Variants in IL1RAPL1 observed in about 807,000 individuals in gnomAD.
The protein encoded by IL1RAPL1 is interleukin-1 receptor accessory protein-like 1.
Under a neutral mutation model 48.4 loss-of-function variants are expected in IL1RAPL1, and 3 were observed. The ratio of observed to expected loss-of-function variants is 0.06; its 90% CI spans 0.03 to 0.16. The LOEUF (loss-of-function observed/expected upper bound fraction) is 0.16. Ranked by LOEUF, IL1RAPL1 falls within the 10% of genes least tolerant of loss-of-function variation. IL1RAPL1 has a pLI of 1.00. For missense variants in IL1RAPL1, 349 were observed against 530.6 expected (o/e 0.66, Z 3.36); for synonymous variants, 185 against 187.7 (o/e 0.99, Z 0.12).
chrX:29,605,760 A>G (rs1363106647), intron 5 of IL1RAPL1, among the ~76,000 whole-genome samples: 1 of 112,377 alleles, frequency 8.9e-6, no homozygotes, highest in Non-Finnish European at 1.9e-5. Flanking sequence ...TATTTTACAA[A>G]GACTTTCATC....
chrX:28,827,142 G>A (rs773915710), intron 2 of IL1RAPL1, among the ~76,000 whole-genome samples: 41 of 110,743 alleles, frequency 3.7e-4, no homozygotes, highest in African/African-American at 1.0e-3. Flanking sequence ...TTTTTTTGAT[G>A]TGCCATATTT....
Position 29,724,314 on chromosome X carries a change from A to G in IL1RAPL1, c.778+55810A>G, listed in dbSNP as rs965953259. Among the ~76,000 whole-genome samples the G allele has an allele frequency of 3.6e-5, 4 of 111,572 alleles. No homozygotes were observed. In the South Asian group the frequency reaches 1.1e-3, roughly 31 times the overall value. On this transcript the variant is annotated intron_variant, in intron 6 of 10. Coordinates refer to ENST00000378993, the MANE Select transcript of IL1RAPL1 (RefSeq NM_014271.4). ...ACTCCCTCAGGAAATCTCTGTAGCT[A>G]TACAAGCAGCAGGCATAGAAAGAAA...
intron 1 of IL1RAPL1, among the ~76,000 whole-genome samples, chrX:28,663,627 A>G (rs919483335): frequency 1.4e-4 from 16 of 111,949 alleles, no homozygotes; most frequent in Admixed American, 2.8e-4. Flanking sequence ...AAAGAAAAAA[A>G]GATGATGAGA....
At chrX:29,252,129 G>C (rs779752964) in intron 2 of IL1RAPL1, among the ~76,000 whole-genome samples, 2 of 109,580 alleles carry the variant, frequency 1.8e-5, no homozygotes, top group African/African-American at 3.4e-5. Flanking sequence ...GTAAGGGGAG[G>C]GGGGAGGGAT....
intron 2 of IL1RAPL1, among the ~76,000 whole-genome samples, chrX:28,895,731 T>C (rs888276457): frequency 9.0e-5 from 10 of 111,491 alleles, no homozygotes; most frequent in African/African-American, 3.3e-4. Flanking sequence ...AAGAAGGTAA[T>C]GTGGAGTGGG....
At chrX:29,431,683 A>AT (rs955030676) in intron 5 of IL1RAPL1, among the ~76,000 whole-genome samples, 6 of 111,167 alleles carry the variant, frequency 5.4e-5, no homozygotes, top group African/African-American at 9.8e-5. Flanking sequence ...AACCTCTGTA[A>AT]TTTTTTTTCC....
intron 2 of IL1RAPL1, among the ~76,000 whole-genome samples, chrX:29,071,151 G>C (rs1361997926): frequency 8.9e-6 from 1 of 112,065 alleles, no homozygotes; most frequent in Non-Finnish European, 1.9e-5. Context: ...TTCATCATAA[G>C]TGAGTTTTCC....
At chrX:29,457,669 A>G (rs1406769257) in intron 5 of IL1RAPL1, among the ~76,000 whole-genome samples, 1 of 112,035 alleles carries the variant, frequency 8.9e-6, no homozygotes, top group Admixed American at 9.4e-5. Context: ...TCTTTTTGGT[A>G]GAATTATTTG....
intron 2 of IL1RAPL1, among the ~76,000 whole-genome samples, chrX:29,092,352 A>T (rs774694841): frequency 4.9e-4 from 55 of 112,084 alleles, no homozygotes; most frequent in African/African-American, 1.6e-3. Flanking sequence ...GTTATAAAAC[A>T]ATAACCCATT....
intron 2 of IL1RAPL1, among the ~76,000 whole-genome samples, chrX:28,900,436 A>G (rs1923044057): frequency 8.9e-6 from 1 of 111,960 alleles, no homozygotes; most frequent in Non-Finnish European, 1.9e-5. Context: ...ACTGAATAAA[A>G]ATTTAACTAT....
intron 5 of IL1RAPL1, among the ~76,000 whole-genome samples, chrX:29,524,876 A>C (rs935686216): frequency 5.3e-5 from 6 of 112,241 alleles, no homozygotes; most frequent in African/African-American, 1.6e-4. Flanking sequence ...TAAGATGACT[A>C]TCATTGCCAT....
chrX:28,676,305 A>G (rs1273859819), intron 1 of IL1RAPL1, among the ~76,000 whole-genome samples: 2 of 112,315 alleles, frequency 1.8e-5, no homozygotes, highest in African/African-American at 3.2e-5. Flanking sequence ...ATTTATCCCA[A>G]TATACTTTCC....
chrX:28,623,673 C>T (rs752379879), intron 1 of IL1RAPL1, among the ~76,000 whole-genome samples: 20 of 111,978 alleles, frequency 1.8e-4, no homozygotes, highest in African/African-American at 6.5e-4. Flanking sequence ...TTATCTTAAA[C>T]CTTGAACATC....
chrX:29,159,822 C>T lies in IL1RAPL1; in HGVS notation c.83-123116C>T, dbSNP rs1602087625. The stretch of plus-strand genomic sequence containing the variant: ...TGCCTCCCAGGTTCAAGTGATTCTC[C>T]TGCCTTAGCCTCCCGAGTAGCTGGG... On this transcript the variant is annotated intron_variant, in intron 2 of 10. Transcript: ENST00000378993. Among the ~76,000 whole-genome samples, 5 of 111,987 alleles carry T rather than the reference C, an allele frequency of 4.5e-5. No homozygotes were observed. In the South Asian group the frequency reaches 1.5e-3, roughly 33 times the overall value.
At chrX:28,936,669 T>G (rs1181356075) in intron 2 of IL1RAPL1, among the ~76,000 whole-genome samples, 2 of 111,053 alleles carry the variant, frequency 1.8e-5, no homozygotes, top group Non-Finnish European at 1.9e-5. Flanking sequence ...TGAGTGGTTT[T>G]AACTCTGATT....
intron 7 of IL1RAPL1, among the ~76,000 whole-genome samples, chrX:29,917,843 C>G: frequency 9.2e-6 from 1 of 108,786 alleles, no homozygotes. Context: ...CTGAGTGCGG[C>G]TGGGGGTGGT....
chrX:29,638,092 G>A (rs1225701145), intron 5 of IL1RAPL1, among the ~76,000 whole-genome samples: 1 of 110,877 alleles, frequency 9.0e-6, no homozygotes, highest in East Asian at 2.8e-4. Flanking sequence ...GGCTAGCTTG[G>A]TGATCAAAGG....
chrX:28,734,983 G>A (rs995493768), intron 1 of IL1RAPL1, among the ~76,000 whole-genome samples: 2 of 111,741 alleles, frequency 1.8e-5, no homozygotes, highest in Non-Finnish European at 1.9e-5. Context: ...CAAGCTCAAC[G>A]TGAAAATTAC....
At chrX:29,029,089 C>T (rs1358547861) in intron 2 of IL1RAPL1, among the ~76,000 whole-genome samples, 2 of 111,302 alleles carry the variant, frequency 1.8e-5, no homozygotes, top group African/African-American at 3.3e-5. Context: ...GAAGTGCCAG[C>T]AGGGGAAATG....
Sources: gnomAD v4.1 joint callset for allele counts (sites outside exome capture counted in the v4.1 genomes callset) on GRCh38, gnomAD v4.1.1 for gene constraint, MANE v1.5 for transcripts, NCBI Gene and HGNC (gene_info 2026-07-23, HGNC 2026-07-21) for gene names.